MRTFB: variants seen among roughly 807,000 people sequenced by gnomAD.
The protein encoded by MRTFB is myocardin related transcription factor B.
Under a neutral mutation model 104.2 loss-of-function variants are expected in MRTFB, and 29 were observed. That is an observed-to-expected ratio of 0.28 (90% CI 0.21 to 0.38). The LOEUF (loss-of-function observed/expected upper bound fraction) is 0.38. Among genes scored for constraint, MRTFB ranks in the 10% least tolerant of loss-of-function variants. MRTFB has a pLI of 1.00. For synonymous variants in MRTFB, 535 were observed against 519.5 expected, an observed-to-expected ratio of 1.03 and a Z score of -0.41; for missense variants, 1,270 against 1,341.6, an observed-to-expected ratio of 0.95 and a Z score of 0.83.
At chr16:14,026,207 C>G in the MRTFB span, among the ~76,000 whole-genome samples, 1 of 152,170 alleles carries the variant, frequency 6.6e-6, no homozygotes, top group Non-Finnish European at 1.5e-5. Context: ...TAGGTTTACA[C>G]TGATGTTAAG....
intron 6 of MRTFB, among the ~76,000 whole-genome samples, chr16:14,214,431 G>C (rs1438911383): frequency 5.3e-5 from 8 of 152,192 alleles, no homozygotes; most frequent in African/African-American, 1.9e-4. Context: ...TGGGCCTAAT[G>C]ATAGGATTAG....
chr16:14,061,363 G>A, the MRTFB span, among the ~76,000 whole-genome samples: 30 of 152,240 alleles, frequency 2.0e-4, no homozygotes, highest in Middle Eastern at 6.8e-3. Context: ...AGTGGAAAAG[G>A]AAGTGGAGCC....
chr16:14,061,103 G>A, the MRTFB span, among the ~76,000 whole-genome samples: 1 of 151,752 alleles, frequency 6.6e-6, no homozygotes, highest in Non-Finnish European at 1.5e-5. Flanking sequence ...CCAAGATGGC[G>A]CCACTGCACT....
intron 16 of MRTFB, 53 bp from the exon 17 acceptor site, chr16:14,260,856 T>G: frequency 2.7e-6 from 4 of 1,466,058 alleles, no homozygotes; most frequent in South Asian, 1.3e-5. Flanking sequence ...TAATAAAAAT[T>G]TTTAAGTAGT....
At chr16:14,151,150 A>C (rs1391838372) in intron 3 of MRTFB, 2 of 152,218 alleles carry the variant, frequency 1.3e-5, no homozygotes. Flanking sequence ...CAGTTGATTT[A>C]TGTTGATTTA....
At chr16:14,211,682 G>A (rs963611953) in intron 4 of MRTFB, among the ~76,000 whole-genome samples, 1 of 152,200 alleles carries the variant, frequency 6.6e-6, no homozygotes, top group Non-Finnish European at 1.5e-5. Flanking sequence ...GGATTTACCA[G>A]CAGGTAGCAT....
rs377665258 is a variant in MRTFB at position 14,224,506 on chromosome 16, A to G, written c.693+5508A>G. ...ACAATGCCTGTACAAGAAATTCAATAAACTCCAAAGACACCCGCAGGAACG... is the reference window on the plus strand; with the variant it reads ...ACAATGCCTGTACAAGAAATTCAATGAACTCCAAAGACACCCGCAGGAACG... On this transcript the variant is annotated intron_variant, in intron 8 of 16. Coordinates refer to ENST00000571589, the MANE Select transcript of MRTFB (RefSeq NM_001308142.2). 4.6e-5 allele frequency among the ~76,000 whole-genome samples: 7 copies of G among 152,346 alleles called. No individual in the cohort carries two copies. In the East Asian group the frequency reaches 1.2e-3, roughly 25 times the overall value.
the MRTFB span, among the ~76,000 whole-genome samples, chr16:14,029,416 AAAAATAT>A: frequency 0.014 from 951 of 66,128 alleles, 19 homozygotes; most frequent in African/African-American, 0.036. Context: ...AAAAAAAAAA[AAAAATAT>A]ATATATATAT....
At chr16:14,030,431 C>G in the MRTFB span, among the ~76,000 whole-genome samples, 1 of 152,124 alleles carries the variant, frequency 6.6e-6, no homozygotes. Flanking sequence ...CATCATTTGT[C>G]TATGGCTCCA....
rs80031818 is a variant in MRTFB, at chr16:14,164,264, T to A, written c.154+23504T>A. 5.2e-3 allele frequency among the ~76,000 whole-genome samples: 787 copies of A among 152,302 alleles called. 5 individuals carry two copies. The highest frequency in any genetic ancestry group is 9.2e-3 in the Non-Finnish European group (625 of 68,018). On this transcript the variant is annotated intron_variant, in intron 3 of 16. Transcript: ENST00000571589. Reference sequence around the variant, plus strand: ...AGAACTATCATTCCGTTACTCTGTATCTCTATCTCCTTAAGATCAACTTTT... The same window carrying A: ...AGAACTATCATTCCGTTACTCTGTAACTCTATCTCCTTAAGATCAACTTTT...
chr16:14,053,349 A>T, the MRTFB span, among the ~76,000 whole-genome samples: 19 of 152,180 alleles, frequency 1.2e-4, no homozygotes, highest in Non-Finnish European at 2.6e-4. Flanking sequence ...GGTGGAATCC[A>T]TATCTTGGCT....
At chr16:14,030,808 A>G in the MRTFB span, among the ~76,000 whole-genome samples, 2 of 152,210 alleles carry the variant, frequency 1.3e-5, no homozygotes, top group Non-Finnish European at 2.9e-5. Context: ...ATTCAAGCTG[A>G]TTATCCAAGG....
At chr16:14,219,087 A>G (rs2041566686) in intron 8 of MRTFB, 89 bp downstream of exon 8, 3 of 1,245,992 alleles carry the variant, frequency 2.4e-6, no homozygotes, top group East Asian at 2.8e-5. Context: ...ACCAGAAGAA[A>G]ATTCTGAATT....
chr16:14,004,586 C>A, the MRTFB span, among the ~76,000 whole-genome samples: 1 of 152,158 alleles, frequency 6.6e-6, no homozygotes, highest in African/African-American at 2.4e-5. Context: ...GGCTCTGTCT[C>A]CCTGCTCCCT....
the MRTFB span, among the ~76,000 whole-genome samples, chr16:14,003,277 T>C: frequency 1.3e-5 from 2 of 152,186 alleles, no homozygotes; most frequent in African/African-American, 2.4e-5. Context: ...TCTTTCTTTT[T>C]AATCCTCCCT....
chr16:14,220,859 C>G (rs2041663770), intron 8 of MRTFB, among the ~76,000 whole-genome samples: 1 of 152,148 alleles, frequency 6.6e-6, no homozygotes, highest in South Asian at 2.1e-4. Context: ...GAAAAAAAAC[C>G]TGGAGTCAGG....
In MRTFB at chr16:14,258,168, C is replaced by A. The variant is rs1453343769; in HGVS notation, c.2764+7C>A. ...ATCCTCATTAAGAGTGGAGGTAAGTCAAAAGTCACATCAGATCCTCCCAGG... is the reference window on the plus strand; with the variant it reads ...ATCCTCATTAAGAGTGGAGGTAAGTAAAAAGTCACATCAGATCCTCCCAGG... On this transcript the variant is annotated splice_region_variant and intron_variant, in intron 16 of 16. Transcript: ENST00000571589. 17 of 1,612,254 alleles carry A rather than the reference C, an allele frequency of 1.1e-5. No homozygotes were observed. The East Asian group carries it at 3.8e-4, about 36-fold the overall frequency.
At chr16:14,148,516 A>G (rs1238343489) in intron 3 of MRTFB, among the ~76,000 whole-genome samples, 1 of 152,220 alleles carries the variant, frequency 6.6e-6, no homozygotes, top group Non-Finnish European at 1.5e-5. Flanking sequence ...TAAGACTGAT[A>G]TGTTAAAGTA....
chr16:14,016,221 G>A, the MRTFB span, among the ~76,000 whole-genome samples: 1 of 152,020 alleles, frequency 6.6e-6, no homozygotes, highest in African/African-American at 2.4e-5. Context: ...AGTTAGAAGA[G>A]TCATCTCGGA....
Sources: allele counts gnomAD v4.1 joint callset (sites outside exome capture counted in the v4.1 genomes callset), GRCh38; gene constraint gnomAD v4.1.1; transcripts MANE v1.5; gene names NCBI Gene and HGNC (gene_info 2026-07-23, HGNC 2026-07-21).